Variants in INTS15 observed in about 807,000 individuals in gnomAD.
INTS15 encodes the protein uncharacterized protein C7orf26.
At chr7:6,590,198 C>T in the INTS15 span, 2 of 1,253,164 alleles carry the variant, frequency 1.6e-6, no homozygotes, top group Non-Finnish European at 2.1e-6. Context: ...CGGGTCGCGC[C>T]TCTTTGTTTC....
the INTS15 span, chr7:6,607,984 T>C: frequency 1.2e-6 from 2 of 1,600,010 alleles, no homozygotes; most frequent in South Asian, 2.2e-5. The surrounding 1 kb of genome is among the most constrained non-coding windows in gnomAD (Gnocchi z 6.0). Context: ...TGATCTCGGG[T>C]CCCGTGCAGC....
At chr7:6,602,014 T>G in the INTS15 span, 1 of 1,232,244 alleles carries the variant, frequency 8.1e-7, no homozygotes, top group South Asian at 1.2e-5. Context: ...CTTGCTGTCT[T>G]GCTAGCATCC....
chr7:6,591,847 T>C, the INTS15 span: 1 of 1,613,640 alleles, frequency 6.2e-7, no homozygotes, highest in Non-Finnish European at 8.5e-7. Flanking sequence ...GGTGTTGGAG[T>C]GTGCTGCCTC....
the INTS15 span, chr7:6,594,294 C>A: frequency 1.2e-6 from 1 of 814,932 alleles, no homozygotes; most frequent in Non-Finnish European, 2.0e-6. Context: ...ATATGAGCCA[C>A]CACACTCGGC....
the INTS15 span, among the ~76,000 whole-genome samples, chr7:6,596,932 C>T: frequency 4.6e-5 from 7 of 151,942 alleles, no homozygotes; most frequent in South Asian, 6.2e-4. Flanking sequence ...GCGCCCGCTA[C>T]CACACCCGGC....
chr7:6,591,974 C>G, the INTS15 span: 1 of 916,422 alleles, frequency 1.1e-6, no homozygotes, highest in Non-Finnish European at 1.7e-6. Flanking sequence ...GGGTTCAAGA[C>G]CAGCCTGACC....
the INTS15 span, chr7:6,607,741 G>A: frequency 1.3e-6 from 2 of 1,501,330 alleles, no homozygotes; most frequent in Non-Finnish European, 8.9e-7. This position sits in a 1 kb window ranked among gnomAD's most constrained non-coding sequence, Gnocchi z 6.0. Context: ...AGCTCCGTGG[G>A]CCACAGGCCC....
the INTS15 span, among the ~76,000 whole-genome samples, chr7:6,594,001 CTTTTTTT>C: frequency 2.9e-5 from 2 of 68,938 alleles, no homozygotes; most frequent in East Asian, 4.1e-4. Context: ...AAGCCTTTAA[CTTTTTTT>C]TTTTTTTTTT....
At chr7:6,604,448 G>A in the INTS15 span, among the ~76,000 whole-genome samples, 1 of 152,272 alleles carries the variant, frequency 6.6e-6, no homozygotes, top group South Asian at 2.1e-4. Flanking sequence ...TGTGCACATG[G>A]ACAGGGTTTA....
chr7:6,604,940 C>T, the INTS15 span, among the ~76,000 whole-genome samples: 1 of 151,942 alleles, frequency 6.6e-6, no homozygotes, highest in African/African-American at 2.4e-5. Flanking sequence ...AGAGGGCCAC[C>T]TCTCCCAGGG....
the INTS15 span, among the ~76,000 whole-genome samples, chr7:6,593,997 T>G: frequency 7.7e-6 from 1 of 130,366 alleles, no homozygotes. Flanking sequence ...GTGTAAGCCT[T>G]TAACTTTTTT....
the INTS15 span, among the ~76,000 whole-genome samples, chr7:6,599,457 C>T: frequency 6.6e-6 from 1 of 152,180 alleles, no homozygotes; most frequent in Non-Finnish European, 1.5e-5. Context: ...AGGACACGTA[C>T]TCAGGGAAGG....
the INTS15 span, chr7:6,599,980 C>A: frequency 6.2e-7 from 1 of 1,614,190 alleles, no homozygotes; most frequent in Non-Finnish European, 8.5e-7. Flanking sequence ...TTGGATTGAT[C>A]CGCTGGTGCG....
At chr7:6,600,572 C>T in the INTS15 span, among the ~76,000 whole-genome samples, 4 of 152,318 alleles carry the variant, frequency 2.6e-5, no homozygotes, top group East Asian at 5.8e-4. Context: ...TGGGAGGTCT[C>T]AGTGTCGCCC....
At chr7:6,598,771 G>A in the INTS15 span, among the ~76,000 whole-genome samples, 2,625 of 106,590 alleles carry the variant, frequency 0.025, 59 homozygotes, top group Admixed American at 0.056. Context: ...GTGTGTGTGT[G>A]TGTGTGTGTG....
the INTS15 span, among the ~76,000 whole-genome samples, chr7:6,594,001 C>CTTTTTT: frequency 1.3e-4 from 9 of 68,936 alleles, no homozygotes; most frequent in African/African-American, 2.2e-4. Flanking sequence ...AAGCCTTTAA[C>CTTTTTT]TTTTTTTTTT....
the INTS15 span, among the ~76,000 whole-genome samples, chr7:6,607,304 GC>G: frequency 6.6e-6 from 1 of 152,190 alleles, no homozygotes; most frequent in African/African-American, 2.4e-5. This position sits in a 1 kb window ranked among gnomAD's most constrained non-coding sequence, Gnocchi z 6.0. Context: ...GGCCTCTGGG[GC>G]CCGGAGGCCT....
At chr7:6,597,055 A>G in the INTS15 span, among the ~76,000 whole-genome samples, 1 of 152,210 alleles carries the variant, frequency 6.6e-6, no homozygotes, top group African/African-American at 2.4e-5. Flanking sequence ...CTGGCATTAC[A>G]GGCGTGAGCC....
At chr7:6,594,647 G>A in the INTS15 span, 62 of 1,583,720 alleles carry the variant, frequency 3.9e-5, no homozygotes, top group Non-Finnish European at 5.0e-5. Context: ...TCAGTCAATG[G>A]CTAGTTTTAT....
Sources: allele counts gnomAD v4.1 joint callset (sites outside exome capture counted in the v4.1 genomes callset), GRCh38; gene constraint gnomAD v4.1.1; non-coding constraint Gnocchi (gnomAD v3.1); transcripts MANE v1.5; gene names NCBI Gene and HGNC (gene_info 2026-07-23, HGNC 2026-07-21).